Variants in SHF observed in about 807,000 individuals in gnomAD.
SHF encodes the protein SH2 domain-containing adapter protein F.
A neutral mutation model predicts 42.4 loss-of-function variants in SHF; 30 were observed. The observed-to-expected ratio is 0.71, with a 90% CI of 0.53 to 0.96. The LOEUF (loss-of-function observed/expected upper bound fraction) is 0.96. Among genes scored for constraint, SHF ranks in the 40% least tolerant of loss-of-function variants. SHF has a pLI of 0.00. For synonymous variants in SHF, 264 were observed against 269.9 expected (o/e 0.98, Z 0.21); for missense variants, 598 against 634.0 (o/e 0.94, Z 0.61).
At chr15:45,186,396 T>C (rs1898402641) in intron 1 of SHF, among the ~76,000 whole-genome samples, 1 of 152,046 alleles carries the variant, frequency 6.6e-6, no homozygotes, top group Admixed American at 6.6e-5. Context: ...TGCACTCCAA[T>C]CAAATAAAAA....
At chr15:45,189,629 A>AT (rs1410704700), upstream of SHF, among the ~76,000 whole-genome samples, 1 of 151,916 alleles carries the variant, frequency 6.6e-6, no homozygotes, top group Non-Finnish European at 1.5e-5. Flanking sequence ...ACCTCAAGTG[A>AT]TTCCCCACCT....
At chr15:45,182,156 C>T (rs894419844) in intron 1 of SHF, among the ~76,000 whole-genome samples, 1 of 152,212 alleles carries the variant, frequency 6.6e-6, no homozygotes, top group Non-Finnish European at 1.5e-5. Context: ...GCAATTGGGC[C>T]ATGCAACACA....
At chr15:45,182,900 T>A (rs1898201987) in intron 1 of SHF, among the ~76,000 whole-genome samples, 1 of 152,356 alleles carries the variant, frequency 6.6e-6, no homozygotes, top group South Asian at 2.1e-4. Context: ...AAAACAAATG[T>A]CTTTCCCTTT....
At chr15:45,192,358 A>ATTTTTT (rs1193075020), upstream of SHF, among the ~76,000 whole-genome samples, 7 of 75,546 alleles carry the variant, frequency 9.3e-5, 1 homozygote, top group African/African-American at 3.1e-4. Context: ...CTGATTCCAG[A>ATTTTTT]TTTTTTTTTT....
intron 1 of SHF, among the ~76,000 whole-genome samples, chr15:45,181,453 A>G (rs1898123127): frequency 2.6e-5 from 4 of 152,228 alleles, no homozygotes; most frequent in Admixed American, 2.6e-4. Flanking sequence ...TAGACTGCTT[A>G]GTGGAGGAAG....
chr15:45,198,688 G>A (rs980937131), intron 2 of SHF: 16 of 1,505,962 alleles, frequency 1.1e-5, no homozygotes, highest in East Asian at 9.1e-5. Flanking sequence ...GAGCTACCGG[G>A]GACCCGTAGG....
chr15:45,171,770 G>A (rs1897500478), intron 6 of SHF, 113 bp downstream of exon 6: 1 of 1,164,798 alleles, frequency 8.6e-7, no homozygotes, highest in Non-Finnish European at 1.2e-6. Context: ...CCAGTGCCTG[G>A]GGATTGTTCA....
intron 2 of SHF, chr15:45,198,578 G>A (rs1203267567): frequency 1.0e-5 from 6 of 575,304 alleles, no homozygotes; most frequent in Non-Finnish European, 1.1e-5. Context: ...AAAATACCGA[G>A]CCCCTTGCCG....
At chr15:45,171,847 C>T in intron 6 of SHF, 36 bp downstream of exon 6, 5 of 1,602,082 alleles carry the variant, frequency 3.1e-6, no homozygotes, top group Non-Finnish European at 4.3e-6. Flanking sequence ...TTCCACCCTG[C>T]TTGCTGTCCC....
chr15:45,182,385 A>G (rs1898175351), intron 1 of SHF, among the ~76,000 whole-genome samples: 2 of 152,212 alleles, frequency 1.3e-5, no homozygotes, highest in Admixed American at 6.5e-5. Flanking sequence ...TACCCATATC[A>G]TAGGGTTGGG....
intron 2 of SHF, among the ~76,000 whole-genome samples, chr15:45,196,456 G>T (rs1196959863): frequency 6.6e-5 from 10 of 152,172 alleles, no homozygotes; most frequent in Non-Finnish European, 1.5e-4. Context: ...AGAACATCTG[G>T]TACAACTGGT....
Position 45,172,140 on chromosome 15 carries a change from C to G in SHF, c.1160+7G>C. The stretch of plus-strand genomic sequence containing the variant: ...GAGGGAGTCCCCAGCTGGACACAGA[C>G]ACTCACACCTGGTTTTCCAGAGGCA... On this transcript the variant is annotated splice_region_variant and intron_variant, in intron 5 of 6. Coordinates refer to ENST00000690270, the MANE Select transcript of SHF (RefSeq NM_001394037.1). The G allele has an allele frequency of 2.5e-6, 4 of 1,613,930 alleles. No homozygotes were observed. The highest frequency in any genetic ancestry group is 3.4e-6 in the Non-Finnish European group (4 of 1,179,870).
chr15:45,179,831 G>A (rs569331654), intron 1 of SHF, among the ~76,000 whole-genome samples: 40 of 152,330 alleles, frequency 2.6e-4, no homozygotes, highest in African/African-American at 9.4e-4. Context: ...GGCTGTAGGA[G>A]CCAGCTGGGC....
intron 3 of SHF, 138 bp downstream of exon 3, chr15:45,175,081 G>T: frequency 1.1e-6 from 1 of 936,588 alleles, no homozygotes; most frequent in Non-Finnish European, 1.6e-6. Flanking sequence ...ACCCCCTATG[G>T]TACAGAACTC....
chr15:45,183,332 CAT>C (rs33937022), intron 1 of SHF, among the ~76,000 whole-genome samples: 79,490 of 151,852 alleles, frequency 0.52, 21,365 homozygotes, highest in East Asian at 0.74. Flanking sequence ...TGGTCTAACA[CAT>C]GTCAGCTGCT....
At chr15:45,185,293 T>A (rs949291679) in intron 1 of SHF, among the ~76,000 whole-genome samples, 21 of 152,260 alleles carry the variant, frequency 1.4e-4, no homozygotes, top group African/African-American at 4.8e-4. Context: ...GGCCACATAG[T>A]ACATAAACAC....
At chr15:45,172,483 G>C (rs1030297549) in intron 4 of SHF, among the ~76,000 whole-genome samples, 165 bp from the exon 5 acceptor site, 1 of 152,184 alleles carries the variant, frequency 6.6e-6, no homozygotes, top group African/African-American at 2.4e-5. Context: ...CTCTGGGGAC[G>C]TAATCCTGGA....
exon 2 of SHF, chr15:45,198,885 A>G (rs1595651911): frequency 5.6e-6 from 9 of 1,613,994 alleles, no homozygotes; most frequent in Non-Finnish European, 7.6e-6. Flanking sequence ...GGTGATGATG[A>G]GATGGGCTCC....
chr15:45,190,455 C>G (rs1290349143), upstream of SHF, among the ~76,000 whole-genome samples: 1 of 152,132 alleles, frequency 6.6e-6, no homozygotes, highest in Non-Finnish European at 1.5e-5. Context: ...CTGATACTTG[C>G]TTTCATGATC....
Sources: gnomAD v4.1 joint callset for allele counts (sites outside exome capture counted in the v4.1 genomes callset) on GRCh38, gnomAD v4.1.1 for gene constraint, MANE v1.5 for transcripts, NCBI Gene and HGNC (gene_info 2026-07-23, HGNC 2026-07-21) for gene names.